Variants in COX15 observed in about 807,000 individuals in gnomAD.
COX15 encodes cytochrome c oxidase assembly factor COX15.
Under a neutral mutation model 51.9 loss-of-function variants are expected in COX15, and 51 were observed. The ratio of observed to expected loss-of-function variants is 0.98; its 90% CI spans 0.78 to 1.24. The LOEUF (loss-of-function observed/expected upper bound fraction) is 1.24. COX15 is among the 50% of genes most tolerant of loss of function. The pLI, the probability that COX15 is intolerant of heterozygous loss-of-function variation, is 0.00. For missense variants in COX15, 420 were observed against 501.1 expected, an observed-to-expected ratio of 0.84 and a Z score of 1.55; for synonymous variants, 188 against 190.5, an observed-to-expected ratio of 0.99 and a Z score of 0.11.
At chr10:99,706,986 T>C (rs1164951439), downstream of COX15, among the ~76,000 whole-genome samples, 1 of 152,226 alleles carries the variant, frequency 6.6e-6, no homozygotes, top group Non-Finnish European at 1.5e-5. Context: ...TTAGTATTCT[T>C]CATCCTGGCT....
At position 99,712,616 on chromosome 10, in the gene COX15, T is replaced by G; in HGVS notation, c.*1971A>C. Reference sequence around the variant, plus strand: ...AAGGAAAAATAAACTTAAGATAAGCTTATTTTCCTTATTTCAAAAAGCAAA... The same window carrying G: ...AAGGAAAAATAAACTTAAGATAAGCGTATTTTCCTTATTTCAAAAAGCAAA... On this transcript the variant is annotated 3_prime_UTR_variant, in exon 9 of 9. Transcript: ENST00000016171. The G allele has an allele frequency of 1.0e-6, 1 of 984,016 alleles. No individual in the cohort carries two copies. Among genetic ancestry groups the G allele is most frequent in the Non-Finnish European group, 1.2e-6 (1 of 828,666 alleles). 61.0% of individuals were successfully genotyped at this position (984,016 alleles called of 1,614,324 possible). A position where few individuals can be genotyped will look rare whatever the true frequency, so the allele number is the denominator to read the frequency against.
In COX15 at chr10:99,712,716, C is replaced by T. The variant is rs1205448735; in HGVS notation, c.*1871G>A. 8 of 654,436 alleles carry T rather than the reference C, an allele frequency of 1.2e-5. No homozygotes were observed. Among genetic ancestry groups the T allele is most frequent in the African/African-American group, 2.0e-5 (1 of 50,584 alleles). The allele number at this position is 654,436 out of a possible 1,614,324, so 40.5% of individuals were successfully genotyped here. A position where few individuals can be genotyped will look rare whatever the true frequency, so the allele number is the denominator to read the frequency against. ...CAGACCAGAACTCAGCAGTATAGTCCGAGCTGGGGCACCTGCTCGCCAGTG... is the reference window on the plus strand; with the variant it reads ...CAGACCAGAACTCAGCAGTATAGTCTGAGCTGGGGCACCTGCTCGCCAGTG... On this transcript the variant is annotated 3_prime_UTR_variant, in exon 9 of 9. Transcript: ENST00000016171.
chr10:99,713,618 C>A lies in COX15; in HGVS notation c.*969G>T. 1 of 1,225,870 alleles carries A rather than the reference C, an allele frequency of 8.2e-7. No individual in the cohort carries two copies. The highest frequency in any genetic ancestry group is 1.1e-6 in the Non-Finnish European group (1 of 873,268). The allele number at this position is 1,225,870 out of a possible 1,614,324, so 75.9% of individuals were successfully genotyped here. A position where few individuals can be genotyped will look rare whatever the true frequency, so the allele number is the denominator to read the frequency against. On this transcript the variant is annotated 3_prime_UTR_variant, in exon 9 of 9. Coordinates refer to ENST00000016171, the MANE Select transcript of COX15 (RefSeq NM_078470.6). ...GCTGTTAGGAAACCCTCTCAGGAACCAATTTATACTGTCGATTCCATTCCT... is the reference window on the plus strand; with the variant it reads ...GCTGTTAGGAAACCCTCTCAGGAACAAATTTATACTGTCGATTCCATTCCT...
At chr10:99,726,473 C>T (rs1052573750) in intron 4 of COX15, among the ~76,000 whole-genome samples, 11 of 152,224 alleles carry the variant, frequency 7.2e-5, no homozygotes, top group Non-Finnish European at 7.3e-5. Flanking sequence ...TCATAGCTTT[C>T]AGAGGTTAGG....
chr10:99,700,004 T>C, the COX15 span, among the ~76,000 whole-genome samples: 1 of 152,126 alleles, frequency 6.6e-6, no homozygotes, highest in Non-Finnish European at 1.5e-5. Context: ...TACTGTTCTG[T>C]TCCCAAAAGA....
At chr10:99,704,459 C>T in the COX15 span, 16 of 1,614,056 alleles carry the variant, frequency 9.9e-6, 1 homozygote, top group South Asian at 1.3e-4. Flanking sequence ...TAGGGATCTT[C>T]GGCAGGAAGG....
At chr10:99,729,009 C>T (rs2037049807) in intron 2 of COX15, among the ~76,000 whole-genome samples, 1 of 152,198 alleles carries the variant, frequency 6.6e-6, no homozygotes. Flanking sequence ...AAACAATGCA[C>T]AGGTACCAGT....
At position 99,714,294 on chromosome 10, in the gene COX15, T is replaced by C; in HGVS notation, c.*293A>G. 2.5e-6 allele frequency: 3 copies of C among 1,211,016 alleles called. No homozygotes were observed. Among genetic ancestry groups the C allele is most frequent in the Non-Finnish European group, 3.1e-6 (3 of 958,332 alleles). The allele number at this position is 1,211,016 out of a possible 1,614,324, so 75.0% of individuals were successfully genotyped here. ...CGTAGAACCAAGAGCTTGCCAACAC[T>C]GAAAAACCTGACACAAAGCCTGTTA... On this transcript the variant is annotated 3_prime_UTR_variant, in exon 9 of 9. Transcript: ENST00000016171.
At chr10:99,700,300 G>A in the COX15 span, among the ~76,000 whole-genome samples, 1 of 151,806 alleles carries the variant, frequency 6.6e-6, no homozygotes, top group African/African-American at 2.4e-5. Flanking sequence ...CCACCTTCTG[G>A]GACCACTCTA....
At chr10:99,717,031 A>G (rs2036601273) in intron 7 of COX15, among the ~76,000 whole-genome samples, 1 of 151,958 alleles carries the variant, frequency 6.6e-6, no homozygotes, top group Non-Finnish European at 1.5e-5. Flanking sequence ...ATTTCACTTC[A>G]TTTCCTTTTC....
At chr10:99,730,697 G>A (rs997905747) in intron 1 of COX15, among the ~76,000 whole-genome samples, 4 of 152,086 alleles carry the variant, frequency 2.6e-5, no homozygotes, top group Admixed American at 6.5e-5. Flanking sequence ...ATTATGTACC[G>A]AATACTGTAA....
intron 6 of COX15, among the ~76,000 whole-genome samples, chr10:99,720,585 C>T (rs2036730652): frequency 6.6e-6 from 1 of 152,194 alleles, no homozygotes; most frequent in African/African-American, 2.4e-5. Context: ...ATAGTAACAG[C>T]TAACACTTAT....
At chr10:99,716,245 G>C in intron 8 of COX15, 103 bp downstream of exon 8, 1 of 812,098 alleles carries the variant, frequency 1.2e-6, no homozygotes, top group Non-Finnish European at 2.2e-6. Flanking sequence ...TGCCCACCTA[G>C]GCCTCCCAAA....
At chr10:99,730,615 T>C (rs1257276551) in intron 1 of COX15, among the ~76,000 whole-genome samples, 1 of 151,882 alleles carries the variant, frequency 6.6e-6, no homozygotes, top group Non-Finnish European at 1.5e-5. Context: ...GAAATCTAGA[T>C]GGTATCGCCT....
At chr10:99,726,933 G>A (rs2036972403) in intron 4 of COX15, 35 bp downstream of exon 4, 1 of 1,582,330 alleles carries the variant, frequency 6.3e-7, no homozygotes, top group African/African-American at 1.4e-5. Flanking sequence ...GCTCCTGGGA[G>A]CATTTCTGGT....
the COX15 span, chr10:99,698,950 A>C: frequency 8.4e-7 from 1 of 1,190,254 alleles, no homozygotes; most frequent in Non-Finnish European, 1.2e-6. Flanking sequence ...AGGGCTTTGC[A>C]TACAGAATCT....
intron 6 of COX15, among the ~76,000 whole-genome samples, chr10:99,719,382 C>T (rs887516324): frequency 2.2e-4 from 34 of 151,890 alleles, no homozygotes; most frequent in African/African-American, 6.3e-4. Flanking sequence ...TTGGTAGAGA[C>T]GAGGTTTCAC....
At chr10:99,695,870 T>C in the COX15 span, 4 of 1,274,972 alleles carry the variant, frequency 3.1e-6, no homozygotes, top group Non-Finnish European at 2.2e-6. Context: ...GTCATAGAAA[T>C]GAAGCCTCGT....
the COX15 span, chr10:99,704,533 T>C: frequency 6.2e-7 from 1 of 1,614,220 alleles, no homozygotes; most frequent in Non-Finnish European, 8.5e-7. Flanking sequence ...ATCTCTTCTT[T>C]GCCTGTATCC....
Sources: gnomAD v4.1 joint callset for allele counts (sites outside exome capture counted in the v4.1 genomes callset) on GRCh38, gnomAD v4.1.1 for gene constraint, MANE v1.5 for transcripts, NCBI Gene and HGNC (gene_info 2026-07-23, HGNC 2026-07-21) for gene names.